Variants in PRKN observed in about 807,000 individuals in gnomAD.
PRKN encodes the protein parkin RBR E3 ubiquitin protein ligase.
In PRKN, 56 loss-of-function variants were observed where a neutral mutation model predicts 59.5. The ratio of observed to expected loss-of-function variants is 0.94; its 90% CI spans 0.76 to 1.18. PRKN has a LOEUF of 1.18. Ranked by LOEUF, PRKN falls within the 50% of genes most tolerant of loss-of-function variation. PRKN has a pLI of 0.00. For missense variants in PRKN, 657 were observed against 596.4 expected, an observed-to-expected ratio of 1.10 and a Z score of -1.06; for synonymous variants, 250 against 222.1, an observed-to-expected ratio of 1.13 and a Z score of -1.12.
rs1280267741 is a variant in PRKN at position 161,788,988 on chromosome 6, T to TAC, written c.735-3082_735-3081dup. Among the ~76,000 whole-genome samples the TAC allele has an allele frequency of 4.6e-5, 7 of 152,166 alleles. No individual in the cohort carries two copies. The South Asian group carries it at 6.2e-4, about 14-fold the overall frequency. On this transcript the variant is annotated intron_variant, in intron 6 of 11. Transcript: ENST00000366898. ...TAGAAAAGTATATATGCTGCCTTTA[T>TAC]ACACACACACGCACATACACAGATA...
At chr6:162,191,568 G>A (rs1044082595) in intron 4 of PRKN, among the ~76,000 whole-genome samples, 1 of 152,102 alleles carries the variant, frequency 6.6e-6, no homozygotes, top group Admixed American at 6.6e-5. Flanking sequence ...TCAGCCTCCT[G>A]AGTAGCTGGG....
intron 4 of PRKN, among the ~76,000 whole-genome samples, chr6:162,188,778 G>GT (rs57578381): frequency 0.5 from 69,542 of 139,176 alleles, 17,247 homozygotes; most frequent in East Asian, 0.79. Flanking sequence ...CTTAGATTTC[G>GT]TTTTTTTTTT....
chr6:162,113,525 T>C (rs1012158226), intron 4 of PRKN, among the ~76,000 whole-genome samples: 3 of 152,206 alleles, frequency 2.0e-5, no homozygotes, highest in Non-Finnish European at 2.9e-5. Flanking sequence ...GGGAGAGGGA[T>C]ATGTAGTACA....
intron 4 of PRKN, among the ~76,000 whole-genome samples, chr6:162,147,344 G>GA (rs767653516): frequency 0.11 from 4,699 of 41,938 alleles, 381 homozygotes; most frequent in African/African-American, 0.26. Flanking sequence ...CTCTGTCTCA[G>GA]AAAAAAAAAA....
At chr6:162,360,674 A>C (rs1785095391) in intron 2 of PRKN, among the ~76,000 whole-genome samples, 1 of 152,226 alleles carries the variant, frequency 6.6e-6, no homozygotes, top group African/African-American at 2.4e-5. Flanking sequence ...TCAAGAAGTC[A>C]AAAGTAAACA....
intron 6 of PRKN, among the ~76,000 whole-genome samples, chr6:161,855,023 C>T (rs1177530639): frequency 7.1e-6 from 1 of 141,670 alleles, no homozygotes; most frequent in African/African-American, 2.7e-5. Context: ...GTGGAGGTTG[C>T]AGTGAGCCGA....
chr6:161,424,900 G>A (rs1427569317), intron 9 of PRKN, among the ~76,000 whole-genome samples: 1 of 152,164 alleles, frequency 6.6e-6, no homozygotes, highest in African/African-American at 2.4e-5. Context: ...CACGATGTGG[G>A]AAGAACTTCC....
At chr6:162,625,467 C>A (rs1310000486) in intron 1 of PRKN, among the ~76,000 whole-genome samples, 1 of 152,164 alleles carries the variant, frequency 6.6e-6, no homozygotes, top group East Asian at 1.9e-4. Flanking sequence ...GGCATGGCAG[C>A]CAGTGCTCAT....
At chr6:162,412,278 C>A (rs79784458) in intron 2 of PRKN, among the ~76,000 whole-genome samples, 2 of 151,970 alleles carry the variant, frequency 1.3e-5, no homozygotes, top group Non-Finnish European at 2.9e-5. Context: ...CATATCCTAC[C>A]GTGAGGATGG....
At chr6:161,825,962 G>A (rs1792227128) in intron 6 of PRKN, among the ~76,000 whole-genome samples, 1 of 152,090 alleles carries the variant, frequency 6.6e-6, no homozygotes, top group Admixed American at 6.6e-5. Context: ...ATGTTTCCTT[G>A]CCTTTATTCC....
chr6:161,945,037 A>T (rs1779727421), intron 6 of PRKN, among the ~76,000 whole-genome samples: 1 of 152,180 alleles, frequency 6.6e-6, no homozygotes, highest in Admixed American at 6.5e-5. Flanking sequence ...TGTCAGTGTA[A>T]TCTATTTAGG....
At position 162,104,795 on chromosome 6, in the gene PRKN, A is replaced by G. The variant is rs139770506; in HGVS notation, c.535-50621T>C. Among the ~76,000 whole-genome samples, 316 of 152,334 alleles carry G rather than the reference A, an allele frequency of 2.1e-3. 1 individual carries two copies. The highest frequency in any genetic ancestry group is 4.0e-3 in the Non-Finnish European group (272 of 68,032). On this transcript the variant is annotated intron_variant, in intron 4 of 11. Coordinates refer to ENST00000366898, the MANE Select transcript of PRKN (RefSeq NM_004562.3). ...TAGGAGGAAAACGACAAAAATATAC[A>G]AAGAAAGAGATATTTTTAAAGTAAA...
chr6:162,220,364 G>T (rs112686047), intron 3 of PRKN, among the ~76,000 whole-genome samples: 33 of 152,166 alleles, frequency 2.2e-4, no homozygotes, highest in African/African-American at 7.7e-4. Flanking sequence ...AAAGAGCTTC[G>T]GCATAGCAAA....
At chr6:161,534,434 A>G (rs1161459628) in intron 9 of PRKN, among the ~76,000 whole-genome samples, 4 of 152,202 alleles carry the variant, frequency 2.6e-5, no homozygotes, top group Admixed American at 6.5e-5. Flanking sequence ...AAATGAATAG[A>G]AGGCAGCTCC....
intron 9 of PRKN, among the ~76,000 whole-genome samples, chr6:161,489,796 G>C (rs562303183): frequency 6.6e-6 from 1 of 152,254 alleles, no homozygotes; most frequent in South Asian, 2.1e-4. Context: ...GTTTTCAAGG[G>C]AAAGGAATGC....
rs1243554510 is a variant in PRKN, at chr6:161,551,650, G to A, written c.934-2647C>T. 6.6e-6 allele frequency among the ~76,000 whole-genome samples: 1 copy of A among 152,152 alleles called. No individual in the cohort carries two copies. Among genetic ancestry groups the A allele is most frequent in the Non-Finnish European group, 1.5e-5 (1 of 68,034 alleles). On this transcript the variant is annotated intron_variant, in intron 8 of 11. Coordinates refer to ENST00000366898, the MANE Select transcript of PRKN (RefSeq NM_004562.3). This position sits in a 1 kb window ranked among gnomAD's most constrained non-coding sequence, Gnocchi z 5.2. ...TGGAGCCAAAAGCCTTTGGAGTGGA[G>A]TCCAGAAAGACTCGGAGGAGAGAAA...
At chr6:161,697,259 C>T (rs779309087) in intron 7 of PRKN, among the ~76,000 whole-genome samples, 1 of 152,188 alleles carries the variant, frequency 6.6e-6, no homozygotes, top group East Asian at 1.9e-4. Flanking sequence ...ATTTGAAGAG[C>T]TGATATTTGT....
chr6:161,829,192 C>T (rs1329249814), intron 6 of PRKN, among the ~76,000 whole-genome samples: 3 of 152,166 alleles, frequency 2.0e-5, no homozygotes, highest in African/African-American at 7.2e-5. Context: ...CACGATTGCA[C>T]TCCAGTCTGG....
chr6:162,344,268 T>C (rs933100262), intron 2 of PRKN, among the ~76,000 whole-genome samples: 11 of 152,146 alleles, frequency 7.2e-5, no homozygotes, highest in African/African-American at 2.7e-4. Context: ...ACATATGGTC[T>C]TCAATGTGCA....
Sources: allele counts gnomAD v4.1 joint callset (sites outside exome capture counted in the v4.1 genomes callset), GRCh38; gene constraint gnomAD v4.1.1; non-coding constraint Gnocchi (gnomAD v3.1); transcripts MANE v1.5; gene names NCBI Gene and HGNC (gene_info 2026-07-23, HGNC 2026-07-21).